ARNT2: variants seen among roughly 807,000 people sequenced by gnomAD.
The protein encoded by ARNT2 is aryl hydrocarbon receptor nuclear translocator 2, also known as ARNT protein 2.
A neutral mutation model predicts 91.7 loss-of-function variants in ARNT2; 36 were observed. The observed-to-expected ratio is 0.39, with a 90% CI of 0.30 to 0.52. The LOEUF (loss-of-function observed/expected upper bound fraction) is 0.52. ARNT2 is among the 20% of genes least tolerant of loss of function. The pLI, the probability that ARNT2 is intolerant of heterozygous loss-of-function variation, is 0.72. For synonymous variants in ARNT2, 365 were observed against 347.1 expected, an observed-to-expected ratio of 1.05 and a Z score of -0.57; for missense variants, 775 against 939.3, an observed-to-expected ratio of 0.83 and a Z score of 2.29.
At chr15:80,582,115 C>T (rs1016801036) in intron 17 of ARNT2, among the ~76,000 whole-genome samples, 3 of 152,280 alleles carry the variant, frequency 2.0e-5, no homozygotes, top group Admixed American at 6.5e-5. Flanking sequence ...CTCAGATGAG[C>T]GTGAATCTGA....
chr15:80,441,315 C>T (rs1472679741), intron 1 of ARNT2: 45 of 985,016 alleles, frequency 4.6e-5, no homozygotes, highest in Admixed American at 6.1e-5. Context: ...ACACGGATAA[C>T]AGATTCTCCT....
chr15:80,498,556 C>T (rs749249612), intron 5 of ARNT2, among the ~76,000 whole-genome samples: 22 of 152,172 alleles, frequency 1.4e-4, no homozygotes, highest in Non-Finnish European at 2.4e-4. Context: ...TCACTACAAC[C>T]GTGCCTGCCA....
At chr15:80,517,020 AAC>A (rs1897447162) in intron 8 of ARNT2, among the ~76,000 whole-genome samples, 1 of 151,556 alleles carries the variant, frequency 6.6e-6, no homozygotes, top group South Asian at 2.1e-4. Context: ...GCTTTGAACA[AAC>A]AGTTATCTAT....
chr15:80,528,009 G>A lies in ARNT2; in HGVS notation c.877+13604G>A, dbSNP rs1897666102. On this transcript the variant is annotated intron_variant, in intron 8 of 18. Coordinates refer to ENST00000303329, the MANE Select transcript of ARNT2 (RefSeq NM_014862.4). ...TATTCTTCTGGAAGTTGGATTGAAG[G>A]GAGAGGAGGGACAGGAATAGGCCTG... 2.0e-5 allele frequency among the ~76,000 whole-genome samples: 3 copies of A among 152,190 alleles called. No individual in the cohort carries two copies. In the South Asian group the frequency reaches 6.2e-4, roughly 32 times the overall value.
At chr15:80,442,601 A>G (rs567485017) in intron 1 of ARNT2, among the ~76,000 whole-genome samples, 23 of 152,336 alleles carry the variant, frequency 1.5e-4, no homozygotes, top group African/African-American at 5.5e-4. Flanking sequence ...GATAAACTCC[A>G]TGTCTTAGCT....
chr15:80,559,994 T>A (rs112457020), intron 11 of ARNT2: 2,399 of 152,632 alleles, frequency 0.016, 55 homozygotes, highest in African/African-American at 0.055. Context: ...ATTGGCCCAT[T>A]GCTGTGCCTT....
chr15:80,411,904 C>T (rs989754304), intron 1 of ARNT2, among the ~76,000 whole-genome samples: 2 of 152,206 alleles, frequency 1.3e-5, no homozygotes, highest in Non-Finnish European at 2.9e-5. Flanking sequence ...AGGGTCTTCT[C>T]AGAAGGGAAG....
At position 80,496,592 on chromosome 15, in the gene ARNT2, A is replaced by G. The variant is rs565603292; in HGVS notation, c.623-11564A>G. 4.6e-5 allele frequency among the ~76,000 whole-genome samples: 7 copies of G among 152,358 alleles called. No homozygotes were observed. The East Asian group carries it at 1.3e-3, about 29-fold the overall frequency. On this transcript the variant is annotated intron_variant, in intron 5 of 18. Transcript: ENST00000303329. Reference sequence around the variant, plus strand: ...CTGTCACCAGCCTTTCCCTGCCTGGATAACCATATAGAACCAGGAAAGAGG... The same window carrying G: ...CTGTCACCAGCCTTTCCCTGCCTGGGTAACCATATAGAACCAGGAAAGAGG...
In ARNT2 at chr15:80,554,826, C is replaced by CTTA. The variant is rs1173498532; in HGVS notation, c.1090-238_1090-236dup. The CTTA allele has an allele frequency of 3.2e-5, 14 of 443,980 alleles. No individual in the cohort carries two copies. In the East Asian group the frequency reaches 4.7e-4, roughly 15 times the overall value. 27.5% of individuals were successfully genotyped at this position (443,980 alleles called of 1,614,324 possible). A position where few individuals can be genotyped will look rare whatever the true frequency, so the allele number is the denominator to read the frequency against. On this transcript the variant is annotated intron_variant, in intron 10 of 18. Transcript: ENST00000303329. ...CATTCTGAAGCTACTGATGTAGTGC[C>CTTA]TTAGCAAAATTAGAAATGGATATTG...
chr15:80,459,164 C>A (rs1451660830), intron 3 of ARNT2, among the ~76,000 whole-genome samples: 1 of 152,206 alleles, frequency 6.6e-6, no homozygotes, highest in Non-Finnish European at 1.5e-5. Context: ...CTTTCGTCCC[C>A]AAAATCTTTT....
chr15:80,490,911 A>T (rs1897047933), intron 5 of ARNT2, among the ~76,000 whole-genome samples: 1 of 152,242 alleles, frequency 6.6e-6, no homozygotes, highest in Non-Finnish European at 1.5e-5. Flanking sequence ...CATGTTCTAA[A>T]GAAAAAGAAC....
chr15:80,588,664 C>G (rs1206443812), intron 17 of ARNT2, among the ~76,000 whole-genome samples: 1 of 152,110 alleles, frequency 6.6e-6, no homozygotes, highest in East Asian at 1.9e-4. Flanking sequence ...ACCATCAGGC[C>G]TTTGAACAGA....
At position 80,597,253 on chromosome 15, in the gene ARNT2, G is replaced by A. The variant is rs541798125; in HGVS notation, c.*3555G>A. 1.2e-5 allele frequency: 6 copies of A among 518,400 alleles called. No individual in the cohort carries two copies. Among genetic ancestry groups the A allele is most frequent in the African/African-American group, 5.8e-5 (3 of 51,870 alleles). The allele number at this position is 518,400 out of a possible 1,614,324, so 32.1% of individuals were successfully genotyped here. A position where few individuals can be genotyped will look rare whatever the true frequency, so the allele number is the denominator to read the frequency against. ...ACTTTAGGCAGCCCATAAGCTATGC[G>A]AGAATGTGAACGCTCACCTTGCTCC... On this transcript the variant is annotated 3_prime_UTR_variant, in exon 19 of 19. Coordinates refer to ENST00000303329, the MANE Select transcript of ARNT2 (RefSeq NM_014862.4).
chr15:80,510,291 G>T (rs1173896975), intron 6 of ARNT2, among the ~76,000 whole-genome samples: 1 of 151,890 alleles, frequency 6.6e-6, no homozygotes, highest in South Asian at 2.1e-4. Context: ...GGGGTTGAGG[G>T]GAATTCCAGC....
chr15:80,453,707 C>G (rs1392309967), intron 2 of ARNT2, among the ~76,000 whole-genome samples: 1 of 152,162 alleles, frequency 6.6e-6, no homozygotes, highest in East Asian at 1.9e-4. Flanking sequence ...CCACTGCCCT[C>G]CCTACTGATG....
At chr15:80,443,129 T>C (rs1896220588) in intron 1 of ARNT2, 1 of 676,188 alleles carries the variant, frequency 1.5e-6, no homozygotes, top group Non-Finnish European at 1.8e-6. Flanking sequence ...AAAATCTAAA[T>C]GACTGTAAGG....
chr15:80,494,535 A>G (rs1055332969), intron 5 of ARNT2, among the ~76,000 whole-genome samples: 3 of 152,216 alleles, frequency 2.0e-5, no homozygotes, highest in African/African-American at 4.8e-5. Context: ...TATTCTAAAC[A>G]GGATGAAGAA....
At chr15:80,526,274 T>C (rs1897639286) in intron 8 of ARNT2, among the ~76,000 whole-genome samples, 1 of 152,190 alleles carries the variant, frequency 6.6e-6, no homozygotes, top group African/African-American at 2.4e-5. Flanking sequence ...TGTCTAATGC[T>C]TCAGGTGTTC....
chr15:80,408,882 TTAA>T (rs1895642225), intron 1 of ARNT2, among the ~76,000 whole-genome samples: 1 of 152,234 alleles, frequency 6.6e-6, no homozygotes, highest in Non-Finnish European at 1.5e-5. Flanking sequence ...TTTTAATTAA[TTAA>T]TGAATTTTAA....
Sources: allele counts gnomAD v4.1 joint callset (sites outside exome capture counted in the v4.1 genomes callset), GRCh38; gene constraint gnomAD v4.1.1; transcripts MANE v1.5; gene names NCBI Gene and HGNC (gene_info 2026-07-23, HGNC 2026-07-21).